Variants in ARHGEF7 observed in about 807,000 individuals in gnomAD.
The protein encoded by ARHGEF7 is Rho guanine nucleotide exchange factor 7, also known as PAK-interacting exchange factor beta.
Under a neutral mutation model 109.8 loss-of-function variants are expected in ARHGEF7, and 33 were observed. That is an observed-to-expected ratio of 0.30 (90% CI 0.23 to 0.40). The LOEUF is 0.40. ARHGEF7 is among the 10% of genes least tolerant of loss of function. The pLI is 1.00. For missense variants in ARHGEF7, 938 were observed against 1,098.5 expected, an observed-to-expected ratio of 0.85 and a Z score of 2.07; for synonymous variants, 458 against 424.6, an observed-to-expected ratio of 1.08 and a Z score of -0.97.
At chr13:111,203,537 G>T (rs577102972) in intron 2 of ARHGEF7, among the ~76,000 whole-genome samples, 97 of 152,256 alleles carry the variant, frequency 6.4e-4, no homozygotes, top group African/African-American at 2.3e-3. Flanking sequence ...AAATGGCATC[G>T]GTAAGCACAT....
At chr13:111,157,175 T>G (rs1222756367) in intron 2 of ARHGEF7, among the ~76,000 whole-genome samples, 1 of 152,186 alleles carries the variant, frequency 6.6e-6, no homozygotes, top group Non-Finnish European at 1.5e-5. Context: ...AGCACTGGGT[T>G]TTAAGCTGGA....
rs78141105 is a variant in ARHGEF7, at chr13:111,265,268, C to T, written c.951-2280C>T. Among the ~76,000 whole-genome samples the T allele has an allele frequency of 5.7e-3, 868 of 152,180 alleles. 5 individuals are homozygous for T. Among genetic ancestry groups the T allele is most frequent in the African/African-American group, 0.02 (814 of 41,518 alleles). ...TTCTGTCTCCACAGCTATTATAGGA[C>T]GTACTGATAACAGCTCAGTAAATTT... is the stretch of plus-strand genomic sequence containing the variant. On this transcript the variant is annotated intron_variant, in intron 8 of 21. Transcript: ENST00000646102.
At chr13:111,248,080 G>C (rs1013733348) in intron 8 of ARHGEF7, among the ~76,000 whole-genome samples, 4 of 152,066 alleles carry the variant, frequency 2.6e-5, no homozygotes, top group Admixed American at 1.3e-4. Context: ...TGTAATTCAG[G>C]TGTGTTACTG....
At chr13:111,249,383 G>C (rs1443793191) in intron 8 of ARHGEF7, among the ~76,000 whole-genome samples, 1 of 151,974 alleles carries the variant, frequency 6.6e-6, no homozygotes, top group African/African-American at 2.4e-5. Flanking sequence ...CAGGTAACAG[G>C]AGCATTTGTG....
intron 2 of ARHGEF7, among the ~76,000 whole-genome samples, chr13:111,190,957 C>G (rs2079817865): frequency 6.6e-6 from 1 of 152,098 alleles, no homozygotes; most frequent in African/African-American, 2.4e-5. Context: ...GAGTGGCTCC[C>G]TGTGTTCTGT....
intron 6 of ARHGEF7, among the ~76,000 whole-genome samples, chr13:111,238,658 G>T (rs1477477217): frequency 6.6e-6 from 1 of 152,072 alleles, no homozygotes; most frequent in Non-Finnish European, 1.5e-5. Flanking sequence ...ATGGTGACTG[G>T]CATCTTTCCT....
chr13:111,198,444 T>TGTTCCTTCAGATGTGTCC (rs2080824594), intron 2 of ARHGEF7, among the ~76,000 whole-genome samples: 2 of 152,136 alleles, frequency 1.3e-5, no homozygotes, highest in African/African-American at 2.4e-5. Flanking sequence ...GTCCGGAGTT[T>TGTTCCTTCAGATGTGTCC]GTTCCTTCAG....
chr13:111,140,548 G>C (rs1479845176), intron 1 of ARHGEF7, among the ~76,000 whole-genome samples: 2 of 152,222 alleles, frequency 1.3e-5, no homozygotes, highest in Admixed American at 1.3e-4. Flanking sequence ...TGCCTGGCGA[G>C]TTCCAGAACA....
chr13:111,137,513 A>C (rs2075141717), intron 1 of ARHGEF7, among the ~76,000 whole-genome samples: 1 of 152,184 alleles, frequency 6.6e-6, no homozygotes, highest in African/African-American at 2.4e-5. Context: ...CCTAACTAGT[A>C]CCTTCTTAGT....
chr13:111,162,284 G>C (rs2076808483), intron 2 of ARHGEF7, among the ~76,000 whole-genome samples: 1 of 152,146 alleles, frequency 6.6e-6, no homozygotes, highest in Non-Finnish European at 1.5e-5. Context: ...TTATATTTCT[G>C]GGGAGATTGC....
At chr13:111,240,944 G>A (rs865847498) in intron 6 of ARHGEF7, among the ~76,000 whole-genome samples, 6 of 152,182 alleles carry the variant, frequency 3.9e-5, no homozygotes, top group Admixed American at 2.6e-4. Context: ...GATTGGCAGT[G>A]GAAGTTGTAA....
At chr13:111,301,326 G>A (rs1004344486) in intron 20 of ARHGEF7, 152 bp from the exon 21 acceptor site, 7 of 616,052 alleles carry the variant, frequency 1.1e-5, no homozygotes, top group African/African-American at 9.4e-5. Context: ...ACAGAGGTTG[G>A]CAGTTTTTAG....
chr13:111,156,032 C>T (rs529324765), intron 2 of ARHGEF7, among the ~76,000 whole-genome samples: 54 of 146,850 alleles, frequency 3.7e-4, no homozygotes, highest in African/African-American at 1.3e-3. Context: ...TTGCAGTGAG[C>T]TGAGATTGCC....
Position 111,156,099 on chromosome 13 carries a change from A to G in ARHGEF7, c.252+2108A>G, listed in dbSNP as rs1030986727. On this transcript the variant is annotated intron_variant, in intron 2 of 21. Transcript: ENST00000646102. ...CTCCCTCAAAAAAAAAAAAAAAAAAAAAAGTAAATTGAATGTTAAAAACTT... is the reference window on the plus strand; with the variant it reads ...CTCCCTCAAAAAAAAAAAAAAAAAAGAAAGTAAATTGAATGTTAAAAACTT... Among the ~76,000 whole-genome samples the G allele has an allele frequency of 4.0e-5, 5 of 123,594 alleles. No individual in the cohort carries two copies. The Admixed American group carries it at 4.2e-4, about 10-fold the overall frequency. 81.1% of individuals were successfully genotyped at this position (123,594 alleles called of 152,430 possible).
intron 8 of ARHGEF7, among the ~76,000 whole-genome samples, chr13:111,263,891 A>G (rs1377344862): frequency 6.6e-6 from 1 of 152,238 alleles, no homozygotes; most frequent in Non-Finnish European, 1.5e-5. Context: ...CTTCTGTACA[A>G]AATGATAGAA....
rs1461563846 is a variant in ARHGEF7, at chr13:111,239,589, T to G, written c.760-4283T>G. Among the ~76,000 whole-genome samples the G allele has an allele frequency of 6.6e-6, 1 of 152,064 alleles. No individual in the cohort carries two copies. The highest frequency in any genetic ancestry group is 2.4e-5 in the African/African-American group (1 of 41,390). The stretch of plus-strand genomic sequence containing the variant: ...GGCTTTTCTCCACCTCAATGAAGAT[T>G]TCTGTTAAATCTTTTGACTCCTGAA... On this transcript the variant is annotated intron_variant, in intron 6 of 21. Transcript: ENST00000646102. The surrounding 1 kb of genome is among the most constrained non-coding windows in gnomAD (Gnocchi z 4.3).
chr13:111,124,877 C>T (rs932854099), intron 1 of ARHGEF7, among the ~76,000 whole-genome samples: 9 of 152,156 alleles, frequency 5.9e-5, no homozygotes, highest in Non-Finnish European at 1.3e-4. Context: ...CTCTTGCCCC[C>T]GCCTCTCGAG....
chr13:111,121,611 C>T (rs1030133867), intron 1 of ARHGEF7, among the ~76,000 whole-genome samples: 12 of 152,152 alleles, frequency 7.9e-5, no homozygotes, highest in Non-Finnish European at 1.3e-4. Flanking sequence ...TCTCACTGCA[C>T]GAGGGAGGTG....
intron 15 of ARHGEF7, among the ~76,000 whole-genome samples, chr13:111,281,558 C>T (rs529098503): frequency 6.6e-5 from 10 of 152,308 alleles, no homozygotes; most frequent in African/African-American, 2.4e-4. Context: ...AAGATTGTAA[C>T]TACTCATTGG....
Sources: gnomAD v4.1 joint callset for allele counts (sites outside exome capture counted in the v4.1 genomes callset) on GRCh38, gnomAD v4.1.1 for gene constraint, Gnocchi (gnomAD v3.1) non-coding constraint, MANE v1.5 for transcripts, NCBI Gene and HGNC (gene_info 2026-07-23, HGNC 2026-07-21) for gene names.